CDH12: variants seen among roughly 807,000 people sequenced by gnomAD.
The protein encoded by CDH12 is cadherin 12, also known as cadherin-12.
CDH12 carries 41 observed loss-of-function variants against 74.1 expected under a neutral mutation model. The observed-to-expected ratio is 0.55, with a 90% CI of 0.43 to 0.72. CDH12 has a LOEUF of 0.72. Among genes scored for constraint, CDH12 ranks in the 30% least tolerant of loss-of-function variants. The probability of loss-of-function intolerance (pLI) is 0.00; values close to 1 mark genes in which losing one functional copy is unlikely to be tolerated. For missense variants in CDH12, 945 were observed against 977.2 expected, an observed-to-expected ratio of 0.97 and a Z score of 0.44; for synonymous variants, 399 against 355.0, an observed-to-expected ratio of 1.12 and a Z score of -1.39.
At chr5:22,697,107 A>G (rs1742410791) in intron 1 of CDH12, among the ~76,000 whole-genome samples, 2 of 152,294 alleles carry the variant, frequency 1.3e-5, no homozygotes, top group South Asian at 4.1e-4. Context: ...CGATTATAAA[A>G]ACTGTCATTT....
chr5:22,266,898 T>C (rs1277709653), intron 3 of CDH12, among the ~76,000 whole-genome samples: 1 of 152,190 alleles, frequency 6.6e-6, no homozygotes, highest in Admixed American at 6.5e-5. Flanking sequence ...CAAATGCAAT[T>C]TGAATTTCTG....
intron 1 of CDH12, among the ~76,000 whole-genome samples, chr5:22,542,696 G>A (rs773927759): frequency 6.6e-6 from 1 of 152,064 alleles, no homozygotes; most frequent in African/African-American, 2.4e-5. Flanking sequence ...CAAGAGCAAT[G>A]AAGCAATGTA....
intron 2 of CDH12, among the ~76,000 whole-genome samples, chr5:22,499,196 G>A (rs916388010): frequency 6.6e-6 from 1 of 151,856 alleles, no homozygotes. Context: ...TTATAGGCAT[G>A]ACCCACCGTG....
intron 1 of CDH12, among the ~76,000 whole-genome samples, chr5:22,509,950 C>G (rs1285364215): frequency 1.3e-5 from 2 of 151,630 alleles, no homozygotes; most frequent in African/African-American, 4.8e-5. Context: ...AGAGCAAGTA[C>G]CAAAATATCT....
intron 5 of CDH12, among the ~76,000 whole-genome samples, chr5:22,069,481 T>C (rs1214576509): frequency 6.6e-6 from 1 of 152,190 alleles, no homozygotes; most frequent in African/African-American, 2.4e-5. Flanking sequence ...ATGAGTGTGA[T>C]ACCACTATTA....
intron 5 of CDH12, among the ~76,000 whole-genome samples, chr5:22,011,062 G>T (rs1178089083): frequency 1.3e-5 from 2 of 152,202 alleles, no homozygotes; most frequent in South Asian, 4.2e-4. Flanking sequence ...CACAATAAAG[G>T]CTCTCTGAAC....
chr5:22,151,993 A>G (rs533087477), intron 4 of CDH12: 1 of 152,126 alleles, frequency 6.6e-6, no homozygotes. Flanking sequence ...TTCTCGGGGG[A>G]AAGGTAAGCA....
chr5:21,895,689 C>A (rs186085357), intron 6 of CDH12, among the ~76,000 whole-genome samples: 89 of 152,332 alleles, frequency 5.8e-4, no homozygotes, highest in African/African-American at 1.9e-3. Context: ...CACTGCCCCC[C>A]ACCCAGTCAG....
chr5:22,077,550 T>A (rs1288859954), intron 5 of CDH12, among the ~76,000 whole-genome samples: 2 of 152,148 alleles, frequency 1.3e-5, no homozygotes, highest in African/African-American at 4.8e-5. Flanking sequence ...AGCATCAATT[T>A]TTCTTTATCA....
chr5:22,689,189 T>G (rs1741959157), intron 1 of CDH12, among the ~76,000 whole-genome samples: 1 of 152,168 alleles, frequency 6.6e-6, no homozygotes, highest in South Asian at 2.1e-4. Context: ...CTGTCCTGGT[T>G]TCAAACTTTT....
intron 1 of CDH12, among the ~76,000 whole-genome samples, chr5:22,513,578 T>A (rs1736694169): frequency 6.6e-6 from 1 of 152,202 alleles, no homozygotes; most frequent in Admixed American, 6.5e-5. Flanking sequence ...CTTGGTTTGC[T>A]ATCTTTGTAT....
intron 10 of CDH12, among the ~76,000 whole-genome samples, chr5:21,791,419 T>C (rs1746491516): frequency 6.6e-6 from 1 of 152,000 alleles, no homozygotes; most frequent in African/African-American, 2.4e-5. Context: ...GTTTCTGCTG[T>C]TGGGTTGCAA....
intron 1 of CDH12, among the ~76,000 whole-genome samples, chr5:22,620,733 A>C (rs72637723): frequency 0.069 from 10,526 of 152,180 alleles, 452 homozygotes; most frequent in East Asian, 0.24. Context: ...CATTACTGAA[A>C]CATAATCTAA....
At chr5:22,030,071 C>T (rs1175606511) in intron 5 of CDH12, among the ~76,000 whole-genome samples, 2 of 132,626 alleles carry the variant, frequency 1.5e-5, no homozygotes, top group African/African-American at 2.8e-5. Flanking sequence ...AATGAGAACA[C>T]ATGGACACGA....
intron 1 of CDH12, among the ~76,000 whole-genome samples, chr5:22,597,068 A>T (rs1438068892): frequency 1.3e-5 from 2 of 152,194 alleles, no homozygotes; most frequent in African/African-American, 4.8e-5. Flanking sequence ...AAATTTAAAC[A>T]AAAGAAAATA....
intron 11 of CDH12, among the ~76,000 whole-genome samples, chr5:21,771,132 TC>T (rs1453936299): frequency 5.3e-5 from 8 of 151,902 alleles, no homozygotes; most frequent in Admixed American, 1.3e-4. Context: ...TATGTCAAAC[TC>T]CCATGATATG....
At position 22,698,735 on chromosome 5, in the gene CDH12, AGTGTG is replaced by A. The variant is rs1742552370; in HGVS notation, c.-523+154318_-523+154322del. Among the ~76,000 whole-genome samples the A allele has an allele frequency of 7.4e-3, 108 of 14,502 alleles. 17 individuals are homozygous for A. The highest frequency in any genetic ancestry group is 9.5e-3 in the Non-Finnish European group (81 of 8,510). 9.5% of individuals were successfully genotyped at this position (14,502 alleles called of 152,430 possible). ...TATATATATATATATATATATATAT[AGTGTG>A]TGTGTGTGTGTGTGTGTGTGTGTGT... On this transcript the variant is annotated intron_variant, in intron 1 of 14. Coordinates refer to ENST00000382254, the MANE Select transcript of CDH12 (RefSeq NM_004061.5).
chr5:22,441,219 C>A (rs1423067922), intron 2 of CDH12, among the ~76,000 whole-genome samples: 2 of 152,068 alleles, frequency 1.3e-5, no homozygotes, highest in Admixed American at 1.3e-4. Flanking sequence ...TTTGTGAATA[C>A]CTACATGTAT....
intron 5 of CDH12, among the ~76,000 whole-genome samples, chr5:21,981,392 G>A (rs2150127468): frequency 6.6e-6 from 1 of 151,686 alleles, no homozygotes; most frequent in Non-Finnish European, 1.5e-5. Flanking sequence ...GTTTATAATT[G>A]TTTTATTATT....
Sources: gnomAD v4.1 joint callset for allele counts (sites outside exome capture counted in the v4.1 genomes callset) on GRCh38, gnomAD v4.1.1 for gene constraint, MANE v1.5 for transcripts, NCBI Gene and HGNC (gene_info 2026-07-23, HGNC 2026-07-21) for gene names.